TRPM1: variants seen among roughly 807,000 people sequenced by gnomAD.
The protein encoded by TRPM1 is transient receptor potential cation channel subfamily M member 1, also known as TRPM1-203 APA Isoform, Intron 10.
Under a neutral mutation model 149.4 loss-of-function variants are expected in TRPM1, and 113 were observed. The ratio of observed to expected loss-of-function variants is 0.76; its 90% confidence interval spans 0.65 to 0.88. TRPM1 has a LOEUF of 0.88. Ranked by LOEUF, TRPM1 falls within the 40% of genes least tolerant of loss-of-function variation. The probability of loss-of-function intolerance (pLI) is 0.00; values close to 1 mark genes in which losing one functional copy is unlikely to be tolerated. For missense variants in TRPM1, 1,976 were observed against 2,038.7 expected, an observed-to-expected ratio of 0.97 and a Z score of 0.59; for synonymous variants, 741 against 759.5, an observed-to-expected ratio of 0.98 and a Z score of 0.40.
intron 3 of TRPM1, 153 bp from the exon 4 acceptor site, chr15:31,070,379 C>T: frequency 2.6e-6 from 2 of 755,020 alleles, no homozygotes; most frequent in Non-Finnish European, 2.3e-6. Context: ...AGAAATGCCC[C>T]ATCTGATGGC....
chr15:31,071,934 A>G (rs1336673273), intron 3 of TRPM1, among the ~76,000 whole-genome samples: 1 of 138,326 alleles, frequency 7.2e-6, no homozygotes, highest in East Asian at 2.1e-4. Flanking sequence ...ACTGCACTCC[A>G]GCGTGGTTGA....
At position 31,050,540 on chromosome 15, in the gene TRPM1, C is replaced by G; in HGVS notation, c.1306G>C (p.Glu436Gln). The G allele has an allele frequency of 6.2e-7, 1 of 1,614,126 alleles. No individual in the cohort carries two copies. Among genetic ancestry groups the G allele is most frequent in the Non-Finnish European group, 8.5e-7 (1 of 1,180,018 alleles). ...LAPPTDSKAT[E>Q]KEKKPPMATT... ...GCCATGGGTGGCTTCTTCTCCTTCT[C>G]CGTGGCTTTGCTGTCCGTCGGGGGT... Residue 436 changes from glutamate (E) to glutamine (Q), a missense_variant, in exon 12 of 28, where the codon GAG becomes CAG. Coordinates refer to ENST00000256552, the MANE Select transcript of TRPM1 (RefSeq NM_001252024.2).
chr15:31,094,064 T>G (rs917284793), intron 1 of TRPM1, among the ~76,000 whole-genome samples: 1 of 152,246 alleles, frequency 6.6e-6, no homozygotes, highest in Non-Finnish European at 1.5e-5. Flanking sequence ...CATATATCTA[T>G]GTCCAAGTGA....
At chr15:31,149,348 T>C (rs1026973893) in intron 1 of TRPM1, among the ~76,000 whole-genome samples, 2 of 152,166 alleles carry the variant, frequency 1.3e-5, no homozygotes, top group Non-Finnish European at 2.9e-5. Context: ...GTGTGTTCTC[T>C]GGCCGTGCTT....
At chr15:31,130,207 C>T (rs2035999661) in intron 1 of TRPM1, among the ~76,000 whole-genome samples, 2 of 152,158 alleles carry the variant, frequency 1.3e-5, no homozygotes, top group South Asian at 4.1e-4. Flanking sequence ...TGGCATCTGA[C>T]CTTTGTGCAC....
chr15:31,050,675 A>G, intron 11 of TRPM1, 93 bp from the exon 12 acceptor site: 11 of 1,287,546 alleles, frequency 8.5e-6, no homozygotes, highest in African/African-American at 1.4e-5. Context: ...CTGTATGTGC[A>G]CACATGCACA....
intron 1 of TRPM1, among the ~76,000 whole-genome samples, chr15:31,138,203 C>G (rs146737903): frequency 1.3e-5 from 2 of 152,228 alleles, no homozygotes; most frequent in African/African-American, 4.8e-5. Flanking sequence ...GTGCAAACAA[C>G]CAGGGCACTG....
intron 1 of TRPM1, chr15:31,160,828 G>C (rs922140367): frequency 9.5e-6 from 14 of 1,475,414 alleles, no homozygotes; most frequent in Middle Eastern, 1.7e-4. Context: ...CCAGCACTCT[G>C]AGATGACAGA....
In TRPM1 at chr15:31,041,439, C is replaced by T. The variant is rs150025230; in HGVS notation, c.2087+512G>A. Among the ~76,000 whole-genome samples the T allele has an allele frequency of 8.8e-3, 1,342 of 152,270 alleles. 19 individuals are homozygous for T. Among genetic ancestry groups the T allele is most frequent in the African/African-American group, 0.031 (1,297 of 41,532 alleles). On this transcript the variant is annotated intron_variant, in intron 17 of 27. Transcript: ENST00000256552. ...TGCTGGGATTACAGGCATGAGCCAC[C>T]GTGCCCGGCCAGGAGAACCAATTTT... is the stretch of plus-strand genomic sequence containing the variant.
chr15:31,102,681 G>A (rs2035539996), upstream of TRPM1, among the ~76,000 whole-genome samples: 1 of 152,214 alleles, frequency 6.6e-6, no homozygotes, highest in Non-Finnish European at 1.5e-5. Context: ...CAGACAGCCT[G>A]GGGCTCAGGG....
At chr15:31,018,956 T>A (rs1206164055) in intron 27 of TRPM1, among the ~76,000 whole-genome samples, 2 of 152,194 alleles carry the variant, frequency 1.3e-5, no homozygotes, top group African/African-American at 4.8e-5. Context: ...GTGCCCAGCC[T>A]AAAACTTGTT....
At chr15:31,094,479 C>T (rs1262755764) in intron 1 of TRPM1, among the ~76,000 whole-genome samples, 8 of 152,130 alleles carry the variant, frequency 5.3e-5, no homozygotes, top group African/African-American at 1.9e-4. Context: ...TGACAAGGGT[C>T]TAATATCCAG....
intron 1 of TRPM1, among the ~76,000 whole-genome samples, chr15:31,129,227 G>T (rs928669282): frequency 2.6e-5 from 4 of 152,212 alleles, no homozygotes; most frequent in Non-Finnish European, 5.9e-5. Context: ...GGTCTTGAAG[G>T]TTGGCAGGAC....
rs1391166889 is a variant in TRPM1 at position 31,002,253 on chromosome 15, T to C, written c.4447A>G (p.Ile1483Val). Residue 1483 changes from isoleucine to valine, a missense_variant, in exon 28 of 28, where the codon ATC (isoleucine) becomes GTC (valine). By Grantham distance (29) the Ile-to-Val change is conservative. Around this residue, in one of 3 missense-constraint regions of TRPM1, gnomAD observed 572 missense variants for 578.9 expected, o/e 0.99. Transcript: ENST00000256552. Reference protein sequence around the residue: ...GVNQDVEYSSITDQQLTTEWQ... With the variant: ...GVNQDVEYSSVTDQQLTTEWQ... ...TCCGTCGTCAATTGCTGGTCCGTGA[T>C]TGAACTGTACTCTACATCCTGGTTA... 2.5e-6 allele frequency: 4 copies of C among 1,614,248 alleles called. No individual in the cohort carries two copies. Among genetic ancestry groups the C allele is most frequent in the Admixed American group, 1.7e-5 (1 of 60,032 alleles).
At chr15:31,031,327 A>G in intron 22 of TRPM1, 170 bp from the exon 23 acceptor site, 3 of 681,652 alleles carry the variant, frequency 4.4e-6, no homozygotes, top group Non-Finnish European at 5.2e-6. Flanking sequence ...TTCCTACTCC[A>G]TGCAATGCTT....
chr15:31,049,256 A>T, intron 13 of TRPM1, 119 bp downstream of exon 13: 1 of 1,466,240 alleles, frequency 6.8e-7, no homozygotes, highest in Non-Finnish European at 9.5e-7. Context: ...GCCTGCCATT[A>T]AGTACGGACC....
intron 11 of TRPM1, among the ~76,000 whole-genome samples, chr15:31,058,485 T>C (rs1187029655): frequency 6.6e-6 from 1 of 152,198 alleles, no homozygotes; most frequent in Non-Finnish European, 1.5e-5. Context: ...ATCACAACAA[T>C]GTCAAAGCTG....
chr15:31,042,748 C>T (rs950810868), intron 16 of TRPM1, among the ~76,000 whole-genome samples: 5 of 152,180 alleles, frequency 3.3e-5, no homozygotes, highest in African/African-American at 1.2e-4. Flanking sequence ...AGAAAGCAAA[C>T]ATTCCTCTTT....
At position 31,041,986 on chromosome 15, in the gene TRPM1, C is replaced by T. The variant is rs753449636; in HGVS notation, c.2052G>A (p.Val684=). The stretch of plus-strand genomic sequence containing the variant: ...TATCCAAGTCCTGGGAGATGTCATC[C>T]ACCAGATCACTCTCGGAGGACTCGT... ...MAHESSESDL[V]DDISQDLDNN... The change falls in exon 17 of 28, where the codon GTG becomes GTA. Residue 684 remains valine, a synonymous_variant. Transcript: ENST00000256552. 6.2e-7 allele frequency: 1 copy of T among 1,614,160 alleles called. No individual in the cohort carries two copies. Among genetic ancestry groups the T allele is most frequent in the East Asian group, 2.2e-5 (1 of 44,880 alleles).
Sources: allele counts gnomAD v4.1 joint callset (sites outside exome capture counted in the v4.1 genomes callset), GRCh38; gene constraint gnomAD v4.1.1; regional missense constraint gnomAD v4.1.1; transcripts MANE v1.5; gene names NCBI Gene and HGNC (gene_info 2026-07-23, HGNC 2026-07-21).